GSTZ1: variants seen among roughly 807,000 people sequenced by gnomAD.
The protein encoded by GSTZ1 is glutathione S-transferase zeta 1.
Under a neutral mutation model 35.9 loss-of-function variants are expected in GSTZ1, and 34 were observed. That is an observed-to-expected ratio of 0.95 (90% confidence interval 0.72 to 1.26). GSTZ1 has a LOEUF of 1.26. Among genes scored for constraint, GSTZ1 ranks in the 50% most tolerant of loss-of-function variants. The pLI is 0.00. For synonymous variants in GSTZ1, 93 were observed against 101.2 expected (o/e 0.92, Z 0.49); for missense variants, 263 against 271.7 (o/e 0.97, Z 0.23).
rs1892608025 is a variant in GSTZ1 at position 77,331,126 on chromosome 14, G to C, written c.582G>C (p.Leu194=). The C allele has an allele frequency of 5.0e-6, 8 of 1,614,074 alleles. No individual in the cohort carries two copies. The highest frequency in any genetic ancestry group is 5.9e-6 in the Non-Finnish European group (7 of 1,179,946). The change falls in exon 9 of 9, where the codon CTG becomes CTC. Residue 194 remains leucine, a synonymous_variant. Coordinates refer to ENST00000216465, the MANE Select transcript of GSTZ1 (RefSeq NM_145870.3). ...PTISSINKRL[L]VLEAFQVSHP... is the part of the protein sequence containing the mutation. ...TCAGCTCCATCAACAAGAGGCTGCT[G>C]GTCTTGGAGGCCTTCCAGGTGTCTC... is the stretch of plus-strand genomic sequence containing the variant.
chr14:77,323,329 T>C (rs1892127401), intron 1 of GSTZ1: 1 of 152,118 alleles, frequency 6.6e-6, no homozygotes, highest in Non-Finnish European at 1.5e-5. Flanking sequence ...ATATCATGAT[T>C]TTTATTTTTA....
Position 77,328,044 on chromosome 14 carries a change from C to T in GSTZ1, c.342+7C>T, listed in dbSNP as rs1892426261. ...TGGCATCCAGCCCCTGCAGGTGTGGCACTTGTACACTTGCACCCTTGCACA... is the reference window on the plus strand; with the variant it reads ...TGGCATCCAGCCCCTGCAGGTGTGGTACTTGTACACTTGCACCCTTGCACA... On this transcript the variant is annotated splice_region_variant and intron_variant, in intron 5 of 8. Transcript: ENST00000216465. 1.2e-6 allele frequency: 2 copies of T among 1,612,874 alleles called. No homozygotes were observed. The highest frequency in any genetic ancestry group is 1.3e-5 in the African/African-American group (1 of 74,606).
At position 77,322,419 on chromosome 14, in the gene GSTZ1, G is replaced by A. The variant is rs1428778503; in HGVS notation, c.15+1236G>A. 1.7e-5 allele frequency: 3 copies of A among 176,378 alleles called. No individual in the cohort carries two copies. In the East Asian group the frequency reaches 5.7e-4, roughly 33 times the overall value. 10.9% of individuals were successfully genotyped at this position (176,378 alleles called of 1,614,324 possible). ...TCCTGCTTGTGGGTCGTGACGGAGG[G>A]CAGCAGCATTTACCATGCTTCTGGT... On this transcript the variant is annotated intron_variant, in intron 1 of 8. Transcript: ENST00000216465.
chr14:77,331,033 G>C (rs773801589), intron 8 of GSTZ1, 36 bp from the exon 9 acceptor site: 1 of 1,603,220 alleles, frequency 6.2e-7, no homozygotes, highest in Admixed American at 1.7e-5. Context: ...CTGTGTCCCT[G>C]AAAACCTTAG....
chr14:77,325,089 C>A (rs1260422385), intron 2 of GSTZ1, 168 bp downstream of exon 2: 10 of 642,182 alleles, frequency 1.6e-5, no homozygotes, highest in Admixed American at 7.0e-5. Flanking sequence ...TGCATGGCAT[C>A]TCCACCCCGG....
chr14:77,330,219 T>G (rs1193350415), intron 7 of GSTZ1, 91 bp from the exon 8 acceptor site: 1 of 889,356 alleles, frequency 1.1e-6, no homozygotes, highest in Admixed American at 1.7e-5. Context: ...AGATTGTTGG[T>G]ACCCCCAGTA....
intron 1 of GSTZ1, chr14:77,324,006 A>T (rs1276599301): frequency 6.5e-6 from 1 of 154,874 alleles, no homozygotes; most frequent in Admixed American, 6.3e-5. Context: ...TGGTTCCTGC[A>T]CCAGGTCCAG....
At chr14:77,321,406 G>C (rs921306289) in intron 1 of GSTZ1, 6 of 1,528,920 alleles carry the variant, frequency 3.9e-6, no homozygotes, top group Non-Finnish European at 5.2e-6. Context: ...TAGGGAGTGC[G>C]TAGCAGGGTG....
intron 2 of GSTZ1, 54 bp downstream of exon 2, chr14:77,324,975 G>T: frequency 6.8e-7 from 1 of 1,460,940 alleles, no homozygotes; most frequent in Non-Finnish European, 9.6e-7. Flanking sequence ...GACTGGGGCG[G>T]ATAAGCCCGG....
At chr14:77,324,783 G>A in intron 1 of GSTZ1, 87 bp from the exon 2 acceptor site, 1 of 1,353,056 alleles carries the variant, frequency 7.4e-7, no homozygotes, top group Non-Finnish European at 1.1e-6. Flanking sequence ...AGGAGGCCTG[G>A]CAGGACAGGA....
intron 4 of GSTZ1, 155 bp from the exon 5 acceptor site, chr14:77,327,757 C>T: frequency 2.6e-6 from 2 of 773,024 alleles, no homozygotes; most frequent in Admixed American, 2.4e-5. Flanking sequence ...ATGATAAGGT[C>T]CAAAAAGGCT....
intron 6 of GSTZ1, 150 bp downstream of exon 6, chr14:77,329,351 TG>T: frequency 1.5e-6 from 1 of 660,108 alleles, no homozygotes. Context: ...GGCAATGGGC[TG>T]GGTGGGCATC....
intron 1 of GSTZ1, among the ~76,000 whole-genome samples, chr14:77,321,862 G>A (rs1189381866): frequency 1.4e-5 from 2 of 147,484 alleles, no homozygotes; most frequent in Admixed American, 1.4e-4. Flanking sequence ...CAGCCTGGGC[G>A]AAAGAGCGGG....
At position 77,331,098 on chromosome 14, in the gene GSTZ1, C is replaced by G; in HGVS notation, c.554C>G (p.Thr185Ser). 6.2e-7 allele frequency: 1 copy of G among 1,613,954 alleles called. No individual in the cohort carries two copies. Among genetic ancestry groups the G allele is most frequent in the Non-Finnish European group, 8.5e-7 (1 of 1,179,820 alleles). The change falls in exon 9 of 9, where the codon ACC (threonine) becomes AGC (serine). Residue 185 changes from threonine (T) to serine (S), a missense_variant. Physicochemically the swap from Thr to Ser is moderately conservative, Grantham distance 58. Coordinates refer to ENST00000216465, the MANE Select transcript of GSTZ1 (RefSeq NM_145870.3). ...RFKVDLTPYPTISSINKRLLV... is the reference protein window; with the variant it reads ...RFKVDLTPYPSISSINKRLLV... The stretch of plus-strand genomic sequence containing the variant: ...AAGGTGGATCTCACCCCCTACCCTA[C>G]CATCAGCTCCATCAACAAGAGGCTG...
chr14:77,327,935 G>A lies in GSTZ1; in HGVS notation c.240G>A (p.Glu80=), dbSNP rs1432874556. The change falls in exon 5 of 9, where the codon GAG becomes GAA. Residue 80 remains glutamate, a synonymous_variant. Coordinates refer to ENST00000216465, the MANE Select transcript of GSTZ1 (RefSeq NM_145870.3). ...HQSLAIIEYL[E]EMRPTPRLLP... Reference sequence around the variant, plus strand: ...AGCTGGCCATCATTGAGTATCTAGAGGAGATGCGTCCCACTCCGCGACTTC... The same window carrying A: ...AGCTGGCCATCATTGAGTATCTAGAAGAGATGCGTCCCACTCCGCGACTTC... 1 of 1,614,006 alleles carries A rather than the reference G, an allele frequency of 6.2e-7. No individual in the cohort carries two copies. Among genetic ancestry groups the A allele is most frequent in the South Asian group, 1.1e-5 (1 of 91,072 alleles).
Position 77,329,720 on chromosome 14 carries a change from G to A in GSTZ1, c.422-35G>A, listed in dbSNP as rs200799262. On this transcript the variant is annotated intron_variant, in intron 6 of 8. Transcript: ENST00000216465. ...AGAAAGCTTTGTGTCCCCTCCCTGC[G>A]CCCAGAATAAGATGTTTATGTGGCC... The A allele has an allele frequency of 3.0e-5, 48 of 1,575,746 alleles. No individual in the cohort carries two copies. In the Middle Eastern group the frequency reaches 6.7e-4, roughly 22 times the overall value.
At chr14:77,324,707 G>T in intron 1 of GSTZ1, 163 bp from the exon 2 acceptor site, 1 of 1,189,562 alleles carries the variant, frequency 8.4e-7, no homozygotes, top group Non-Finnish European at 1.2e-6. Flanking sequence ...TTGGAGCCAA[G>T]GGACCTCATG....
Position 77,329,204 on chromosome 14 carries a change from G to A in GSTZ1, c.421+3G>A. The A allele has an allele frequency of 6.3e-7, 1 of 1,587,030 alleles. No individual in the cohort carries two copies. The highest frequency in any genetic ancestry group is 8.7e-7 in the Non-Finnish European group (1 of 1,155,180). ...CGCCATCACTTGTGGCTTTAACGGT[G>A]AGTCCTCACCTCTGTGAGCTGCCCC... is the stretch of plus-strand genomic sequence containing the variant. On this transcript the variant is annotated splice_donor_region_variant and intron_variant, in intron 6 of 8. Coordinates refer to ENST00000216465, the MANE Select transcript of GSTZ1 (RefSeq NM_145870.3).
chr14:77,328,126 G>T, intron 5 of GSTZ1, 89 bp downstream of exon 5: 1 of 1,367,062 alleles, frequency 7.3e-7, no homozygotes, highest in Non-Finnish European at 1.0e-6. Context: ...TGGGGGCGGG[G>T]GTGTCAAGGG....
Sources: gnomAD v4.1 joint callset for allele counts (sites outside exome capture counted in the v4.1 genomes callset) on GRCh38, gnomAD v4.1.1 for gene constraint, MANE v1.5 for transcripts, NCBI Gene and HGNC (gene_info 2026-07-23, HGNC 2026-07-21) for gene names.